The following EYA4 variants were observed in gnomAD, a reference collection of about 807,000 sequenced individuals.
EYA4 encodes protein phosphatase EYA4.
EYA4 carries 31 observed loss-of-function variants against 87.9 expected under a neutral mutation model. That is an observed-to-expected ratio of 0.35 (90% CI 0.27 to 0.48). EYA4 has a LOEUF of 0.48. Ranked by LOEUF, EYA4 falls within the 20% of genes least tolerant of loss-of-function variation. The probability of loss-of-function intolerance (pLI) is 0.99; values close to 1 mark genes in which losing one functional copy is unlikely to be tolerated. For missense variants in EYA4, 678 were observed against 761.4 expected, an observed-to-expected ratio of 0.89 and a Z score of 1.29; for synonymous variants, 263 against 270.6, an observed-to-expected ratio of 0.97 and a Z score of 0.28.
At chr6:133,514,257 C>A (rs1016205685) in intron 16 of EYA4, among the ~76,000 whole-genome samples, 12 of 152,106 alleles carry the variant, frequency 7.9e-5, no homozygotes, top group Non-Finnish European at 1.5e-4. Context: ...GTACATGATG[C>A]TTTTGTAAAA....
At chr6:133,322,320 A>C (rs1781155449) in intron 2 of EYA4, among the ~76,000 whole-genome samples, 2 of 152,240 alleles carry the variant, frequency 1.3e-5, no homozygotes, top group Admixed American at 1.3e-4. Flanking sequence ...TGTGCTATAA[A>C]AGGACTATCC....
intron 13 of EYA4, among the ~76,000 whole-genome samples, chr6:133,492,526 G>C (rs551909851): frequency 6.6e-6 from 1 of 152,152 alleles, no homozygotes. Flanking sequence ...ATTGAAAACC[G>C]TTCCTCTAAG....
chr6:133,422,964 C>T (rs1384930676), intron 3 of EYA4, among the ~76,000 whole-genome samples: 2 of 152,168 alleles, frequency 1.3e-5, no homozygotes, highest in Non-Finnish European at 2.9e-5. Context: ...CCACCTTGCC[C>T]ACTCTCTGAC....
chr6:133,468,150 T>C (rs1215502959), intron 10 of EYA4, among the ~76,000 whole-genome samples: 1 of 152,064 alleles, frequency 6.6e-6, no homozygotes, highest in African/African-American at 2.4e-5. Flanking sequence ...CTGTGGAGTC[T>C]AGGAGGGGCA....
intron 3 of EYA4, among the ~76,000 whole-genome samples, chr6:133,384,638 C>T (rs1050317228): frequency 6.6e-6 from 1 of 152,176 alleles, no homozygotes; most frequent in Non-Finnish European, 1.5e-5. Context: ...GGTCTCCTCT[C>T]CTGACCTGTG....
intron 3 of EYA4, among the ~76,000 whole-genome samples, chr6:133,393,202 A>G (rs1787451871): frequency 6.6e-6 from 1 of 152,146 alleles, no homozygotes; most frequent in Non-Finnish European, 1.5e-5. Context: ...TTTGTGGTCC[A>G]CTTCATGCTT....
At chr6:133,298,570 G>T (rs1171806423) in intron 2 of EYA4, among the ~76,000 whole-genome samples, 1 of 152,128 alleles carries the variant, frequency 6.6e-6, no homozygotes, top group African/African-American at 2.4e-5. Context: ...AACAATCCCA[G>T]TTTTTCGATG....
chr6:133,516,718 G>T (rs2128794131), intron 17 of EYA4, among the ~76,000 whole-genome samples: 1 of 135,380 alleles, frequency 7.4e-6, no homozygotes, highest in Middle Eastern at 3.8e-3. Flanking sequence ...GCAAGACTCT[G>T]TCTCAAAAAA....
intron 1 of EYA4, among the ~76,000 whole-genome samples, chr6:133,265,570 A>C (rs1304192606): frequency 2.6e-5 from 4 of 152,212 alleles, no homozygotes; most frequent in African/African-American, 9.6e-5. Context: ...ATGATGTAAA[A>C]TAATACTGTG....
intron 2 of EYA4, among the ~76,000 whole-genome samples, chr6:133,329,360 A>G (rs1210430292): frequency 6.6e-6 from 1 of 152,088 alleles, no homozygotes; most frequent in African/African-American, 2.4e-5. Flanking sequence ...TACAAATGCT[A>G]TAGAGGAATA....
At chr6:133,518,655 T>C (rs1440125391) in intron 17 of EYA4, among the ~76,000 whole-genome samples, 1 of 152,060 alleles carries the variant, frequency 6.6e-6, no homozygotes. Flanking sequence ...TATTTAGAAA[T>C]CAAAAGCCAC....
intron 2 of EYA4, among the ~76,000 whole-genome samples, chr6:133,346,389 A>G (rs929859626): frequency 6.6e-6 from 1 of 152,220 alleles, no homozygotes; most frequent in Non-Finnish European, 1.5e-5. Flanking sequence ...AGTCAGACGA[A>G]GTCGTATTCT....
chr6:133,380,347 T>C (rs757134773), intron 2 of EYA4, among the ~76,000 whole-genome samples: 4 of 152,230 alleles, frequency 2.6e-5, no homozygotes, highest in Non-Finnish European at 4.4e-5. Flanking sequence ...ATGTGTTCTC[T>C]GCCTTTACTG....
At chr6:133,357,856 A>G (rs1458361334) in intron 2 of EYA4, among the ~76,000 whole-genome samples, 1 of 151,970 alleles carries the variant, frequency 6.6e-6, no homozygotes, top group Admixed American at 6.6e-5. Flanking sequence ...TGGGAAAAAT[A>G]GTTTTTTTAT....
At chr6:133,506,273 C>T (rs1272047177) in intron 14 of EYA4, 78 bp downstream of exon 14, 9 of 780,254 alleles carry the variant, frequency 1.2e-5, no homozygotes, top group Non-Finnish European at 2.0e-5. Context: ...TAGATAACCT[C>T]GAGAAAACAG....
chr6:133,528,127 A>G (rs575350403), intron 19 of EYA4, among the ~76,000 whole-genome samples: 12 of 152,302 alleles, frequency 7.9e-5, no homozygotes, highest in African/African-American at 2.9e-4. Context: ...CTTTCTCTCA[A>G]TTCTACGCCA....
At chr6:133,266,377 G>A (rs192343270) in intron 1 of EYA4, among the ~76,000 whole-genome samples, 186 of 152,172 alleles carry the variant, frequency 1.2e-3, no homozygotes, top group Non-Finnish European at 1.5e-4. Flanking sequence ...AGAGACAAAG[G>A]ATGCTTCCCT....
intron 2 of EYA4, 140 bp from the exon 3 acceptor site, chr6:133,382,252 C>T: frequency 1.3e-6 from 1 of 740,950 alleles, no homozygotes; most frequent in East Asian, 2.5e-5. Flanking sequence ...CTATTTAGTA[C>T]TGTATGCTGC....
At chr6:133,261,434 C>G (rs998943546) in intron 1 of EYA4, among the ~76,000 whole-genome samples, 2 of 152,172 alleles carry the variant, frequency 1.3e-5, no homozygotes, top group Non-Finnish European at 2.9e-5. Context: ...CCTTTTCTTT[C>G]ACATGTCCGT....
Sources: gnomAD v4.1 joint callset for allele counts (sites outside exome capture counted in the v4.1 genomes callset) on GRCh38, gnomAD v4.1.1 for gene constraint, MANE v1.5 for transcripts, NCBI Gene and HGNC (gene_info 2026-07-23, HGNC 2026-07-21) for gene names.